Variants in LRMDA observed in about 807,000 individuals in gnomAD.
LRMDA encodes the protein leucine-rich melanocyte differentiation-associated protein.
LRMDA carries 18 observed loss-of-function variants against 29.8 expected under a neutral mutation model. The observed-to-expected ratio is 0.60, with a 90% CI of 0.42 to 0.90. LRMDA has a LOEUF of 0.90. LRMDA is among the 40% of genes least tolerant of loss of function. The probability of loss-of-function intolerance (pLI) is 0.00; values close to 1 mark genes in which losing one functional copy is unlikely to be tolerated. For missense variants in LRMDA, 273 were observed against 273.9 expected (o/e 1.00, Z 0.02); for synonymous variants, 125 against 109.4 (o/e 1.14, Z -0.89).
chr10:75,638,049 C>A (rs547202967), intron 2 of LRMDA, among the ~76,000 whole-genome samples: 1 of 151,798 alleles, frequency 6.6e-6, no homozygotes, highest in Admixed American at 6.6e-5. Context: ...CTTTTTTTTT[C>A]CTCTTTATTT....
chr10:76,302,530 T>G (rs1054328369), intron 5 of LRMDA, among the ~76,000 whole-genome samples: 3 of 152,132 alleles, frequency 2.0e-5, no homozygotes, highest in African/African-American at 7.2e-5. Context: ...TTTCTTTTTT[T>G]TGGGGGGTGG....
At chr10:75,876,903 C>T (rs576566028) in intron 2 of LRMDA, among the ~76,000 whole-genome samples, 1 of 152,268 alleles carries the variant, frequency 6.6e-6, no homozygotes, top group South Asian at 2.1e-4. Context: ...GTGCCCCACC[C>T]CCAGGATTTC....
At chr10:75,692,278 C>CAGTT (rs1564541627) in intron 2 of LRMDA, among the ~76,000 whole-genome samples, 2 of 136,472 alleles carry the variant, frequency 1.5e-5, no homozygotes, top group African/African-American at 5.5e-5. Flanking sequence ...AATATATACA[C>CAGTT]AAGTATATAC....
intron 5 of LRMDA, among the ~76,000 whole-genome samples, chr10:76,202,957 TCTGA>T (rs1257612602): frequency 1.3e-5 from 2 of 152,212 alleles, no homozygotes; most frequent in Non-Finnish European, 2.9e-5. Context: ...GAGTTCTTTC[TCTGA>T]CTAATTGGAA....
chr10:75,472,262 A>G (rs1181738117), intron 2 of LRMDA, among the ~76,000 whole-genome samples: 2 of 152,186 alleles, frequency 1.3e-5, no homozygotes, highest in African/African-American at 2.4e-5. Context: ...GCAGACTGTC[A>G]TATGAATTCC....
At chr10:75,960,104 C>A (rs9416104) in intron 2 of LRMDA, among the ~76,000 whole-genome samples, 20,324 of 152,142 alleles carry the variant, frequency 0.13, 1,785 homozygotes, top group South Asian at 0.26. Context: ...ATCGTGTCCA[C>A]ATGTTGCTTC....
At chr10:76,186,392 A>G (rs571907677) in intron 5 of LRMDA, among the ~76,000 whole-genome samples, 1 of 152,350 alleles carries the variant, frequency 6.6e-6, no homozygotes, top group South Asian at 2.1e-4. Context: ...TGTGCAAGTA[A>G]CATGCTTTTC....
At chr10:76,064,821 T>C in intron 5 of LRMDA, among the ~76,000 whole-genome samples, 1 of 152,244 alleles carries the variant, frequency 6.6e-6, no homozygotes, top group East Asian at 1.9e-4. Context: ...TCAGCCAATA[T>C]ATTTTGAAAG....
At chr10:75,511,441 C>G (rs1040780869) in intron 2 of LRMDA, among the ~76,000 whole-genome samples, 1 of 152,220 alleles carries the variant, frequency 6.6e-6, no homozygotes, top group Non-Finnish European at 1.5e-5. Context: ...CCCGTTTCCT[C>G]AGGGATTAAG....
At chr10:75,521,023 A>G (rs979757779) in intron 2 of LRMDA, among the ~76,000 whole-genome samples, 2 of 152,196 alleles carry the variant, frequency 1.3e-5, no homozygotes, top group East Asian at 3.9e-4. Context: ...GAGGCTGCAG[A>G]ACAGTAAATA....
chr10:76,158,914 GTTCAT>G (rs1564670300), intron 5 of LRMDA, among the ~76,000 whole-genome samples: 1 of 152,056 alleles, frequency 6.6e-6, no homozygotes, highest in Admixed American at 6.6e-5. Context: ...CAAAATAAAT[GTTCAT>G]TAATAGGAAA....
At chr10:76,146,070 T>A (rs1429847553) in intron 5 of LRMDA, among the ~76,000 whole-genome samples, 1 of 152,002 alleles carries the variant, frequency 6.6e-6, no homozygotes, top group Non-Finnish European at 1.5e-5. Context: ...TTGTTATAAT[T>A]TCTGTTCTTT....
At chr10:75,514,811 C>T (rs1159253660) in intron 2 of LRMDA, among the ~76,000 whole-genome samples, 2 of 152,094 alleles carry the variant, frequency 1.3e-5, no homozygotes, top group Non-Finnish European at 2.9e-5. Context: ...TGAGCCAAAT[C>T]AACCTCTTTT....
At chr10:76,029,196 T>G (rs978651716) in intron 2 of LRMDA, among the ~76,000 whole-genome samples, 1 of 152,196 alleles carries the variant, frequency 6.6e-6, no homozygotes, top group African/African-American at 2.4e-5. Context: ...CTCTCAAAAC[T>G]TTTCCTTAAT....
intron 2 of LRMDA, among the ~76,000 whole-genome samples, chr10:75,634,038 A>G (rs1406547406): frequency 2.0e-5 from 3 of 152,268 alleles, no homozygotes; most frequent in Non-Finnish European, 2.9e-5. Flanking sequence ...ATTTATTAAT[A>G]TAAACAATCT....
chr10:75,716,230 T>C (rs1842497883), intron 2 of LRMDA, among the ~76,000 whole-genome samples: 1 of 152,190 alleles, frequency 6.6e-6, no homozygotes, highest in Non-Finnish European at 1.5e-5. Context: ...AGCTTAGAAA[T>C]GTTAAGTGAC....
chr10:75,480,814 A>C (rs1013171362), intron 2 of LRMDA, among the ~76,000 whole-genome samples: 3 of 152,212 alleles, frequency 2.0e-5, no homozygotes, highest in African/African-American at 7.2e-5. Flanking sequence ...AGAGGCCTGC[A>C]TTGGAGCAGT....
chr10:75,620,080 C>T (rs776015846), intron 2 of LRMDA, among the ~76,000 whole-genome samples: 5 of 152,124 alleles, frequency 3.3e-5, no homozygotes, highest in East Asian at 1.9e-4. Flanking sequence ...AAGCACACTG[C>T]GAACAGGCCC....
At chr10:76,515,254 T>C (rs962743144) in intron 6 of LRMDA, among the ~76,000 whole-genome samples, 4 of 152,184 alleles carry the variant, frequency 2.6e-5, no homozygotes, top group South Asian at 2.1e-4. Context: ...CCATAGTTCA[T>C]TGAAATTAAG....
Sources: allele counts gnomAD v4.1 joint callset (sites outside exome capture counted in the v4.1 genomes callset), GRCh38; gene constraint gnomAD v4.1.1; transcripts MANE v1.5; gene names NCBI Gene and HGNC (gene_info 2026-07-23, HGNC 2026-07-21).